Variants in TRIO observed in about 807,000 individuals in gnomAD.
The protein encoded by TRIO is trio Rho guanine nucleotide exchange factor.
In TRIO, 58 loss-of-function variants were observed where a neutral mutation model predicts 351.9. The ratio of observed to expected loss-of-function variants is 0.16; its 90% CI spans 0.13 to 0.21. The LOEUF is 0.21. Ranked by LOEUF, TRIO falls within the 10% of genes least tolerant of loss-of-function variation. TRIO has a pLI of 1.00. For synonymous variants in TRIO, 1,758 were observed against 1,595.7 expected, an observed-to-expected ratio of 1.10 and a Z score of -2.42; for missense variants, 3,201 against 4,027.8, an observed-to-expected ratio of 0.79 and a Z score of 5.56.
chr5:14,406,772 T>TGC, intron 33 of TRIO, 100 bp downstream of exon 33: 2 of 1,212,814 alleles, frequency 1.6e-6, no homozygotes, highest in Non-Finnish European at 2.4e-6. Context: ...TCATCAACAT[T>TGC]TTCAAGCAGT....
At chr5:14,303,623 C>T (rs187369229) in intron 7 of TRIO, among the ~76,000 whole-genome samples, 2 of 149,942 alleles carry the variant, frequency 1.3e-5, no homozygotes, top group African/African-American at 4.9e-5. Context: ...ATTGATGATC[C>T]TGGAGATGGA....
intron 1 of TRIO, among the ~76,000 whole-genome samples, chr5:14,161,318 G>A (rs2152120720): frequency 6.6e-6 from 1 of 152,256 alleles, no homozygotes; most frequent in Non-Finnish European, 1.5e-5. Context: ...TCTTGTACCT[G>A]TACCTCTTTG....
Position 14,388,688 on chromosome 5 carries a change from G to GTTTTTTTT in TRIO, c.3948+20_3948+27dup. On this transcript the variant is annotated intron_variant, in intron 24 of 56. Transcript: ENST00000344204. ...TCCGGGAATGTATGGATGTAAGTAA[G>GTTTTTTTT]TTTTTTTTTTTTTTTTTTGCTTGTT... 3 of 1,440,378 alleles carry GTTTTTTTT rather than the reference G, an allele frequency of 2.1e-6. No homozygotes were observed. Among genetic ancestry groups the GTTTTTTTT allele is most frequent in the South Asian group, 1.3e-5 (1 of 74,592 alleles). 89.2% of individuals were successfully genotyped at this position (1,440,378 alleles called of 1,614,324 possible). A position where few individuals can be genotyped will look rare whatever the true frequency, so the allele number is the denominator to read the frequency against.
At chr5:14,355,828 T>A (rs1477058230) in intron 11 of TRIO, among the ~76,000 whole-genome samples, 1 of 152,230 alleles carries the variant, frequency 6.6e-6, no homozygotes, top group Non-Finnish European at 1.5e-5. Flanking sequence ...TCATGTGGAA[T>A]TAAATACTGA....
intron 1 of TRIO, among the ~76,000 whole-genome samples, chr5:14,173,376 A>C (rs1789219675): frequency 6.6e-6 from 1 of 151,746 alleles, no homozygotes; most frequent in Non-Finnish European, 1.5e-5. Flanking sequence ...ATGTCCGGCT[A>C]AGTTTTTCTA....
At chr5:14,326,535 G>A (rs549615910) in intron 9 of TRIO, among the ~76,000 whole-genome samples, 109 of 152,308 alleles carry the variant, frequency 7.2e-4, no homozygotes, top group African/African-American at 2.5e-3. Context: ...GGAAGGTGGT[G>A]GTGGTCTCCA....
intron 1 of TRIO, chr5:14,183,759 C>A (rs996815887): frequency 3.9e-6 from 2 of 518,892 alleles, no homozygotes; most frequent in Non-Finnish European, 7.0e-6. Context: ...GGAAGGCATG[C>A]GGCCGCAGTT....
intron 9 of TRIO, among the ~76,000 whole-genome samples, chr5:14,319,313 C>T (rs928022960): frequency 1.2e-4 from 19 of 152,084 alleles, no homozygotes; most frequent in African/African-American, 4.3e-4. Flanking sequence ...CAGGAAATTG[C>T]TCTGTAGGCT....
intron 7 of TRIO, 95 bp downstream of exon 7, chr5:14,297,358 A>G: frequency 2.1e-6 from 3 of 1,396,400 alleles, no homozygotes; most frequent in Non-Finnish European, 1.9e-6. Flanking sequence ...TGTGTAGCAC[A>G]TACTGTGAGC....
At chr5:14,170,393 T>C (rs1789024954) in intron 1 of TRIO, among the ~76,000 whole-genome samples, 1 of 152,170 alleles carries the variant, frequency 6.6e-6, no homozygotes, top group Non-Finnish European at 1.5e-5. Flanking sequence ...GCTTGAACCC[T>C]CCACCCTTCA....
intron 19 of TRIO, 71 bp from the exon 20 acceptor site, chr5:14,377,941 A>G: frequency 2.5e-6 from 3 of 1,185,172 alleles, no homozygotes; most frequent in South Asian, 2.6e-5. Flanking sequence ...CTAAATAAAA[A>G]TGAATGGAAT....
rs867217857 is a variant in TRIO at position 14,504,379 on chromosome 5, G to A, written c.8412-14G>A. ...AGCAGCCTCTGCAAATGGTCCCCCT[G>A]ACATATTTTACAGGGGCAGATTCTC... On this transcript the variant is annotated splice_polypyrimidine_tract_variant and intron_variant, in intron 54 of 56. Transcript: ENST00000344204. 6 of 1,613,884 alleles carry A rather than the reference G, an allele frequency of 3.7e-6. No individual in the cohort carries two copies. The Middle Eastern group carries it at 9.9e-4, about 266-fold the overall frequency.
intron 11 of TRIO, among the ~76,000 whole-genome samples, chr5:14,356,392 T>C (rs1743613398): frequency 6.6e-6 from 1 of 152,208 alleles, no homozygotes; most frequent in African/African-American, 2.4e-5. Flanking sequence ...TTGCCATCAT[T>C]AGTAATTAGG....
At chr5:14,358,561 A>G (rs1743847701) in intron 12 of TRIO, among the ~76,000 whole-genome samples, 1 of 151,992 alleles carries the variant, frequency 6.6e-6, no homozygotes, top group South Asian at 2.1e-4. Flanking sequence ...TAACTTCATA[A>G]TAGTTTTCAT....
At chr5:14,248,622 C>T (rs1395806068) in intron 1 of TRIO, among the ~76,000 whole-genome samples, 1 of 152,188 alleles carries the variant, frequency 6.6e-6, no homozygotes. Flanking sequence ...TTGCAAGCGC[C>T]GTCCACACAG....
chr5:14,361,332 C>T (rs1237983429), intron 13 of TRIO, among the ~76,000 whole-genome samples: 2 of 152,278 alleles, frequency 1.3e-5, no homozygotes, highest in African/African-American at 4.8e-5. Context: ...AACAAAGCCA[C>T]GAAATTACAA....
intron 48 of TRIO, among the ~76,000 whole-genome samples, chr5:14,491,992 G>T (rs961598287): frequency 6.6e-6 from 1 of 152,180 alleles, no homozygotes; most frequent in African/African-American, 2.4e-5. Flanking sequence ...TTTACGTTCA[G>T]GGGTTCCATG....
chr5:14,297,060 C>G lies in TRIO; in HGVS notation c.1177-12C>G. ...TCCCCTAAGGAGCCCTCTTTTCCTG[C>G]CCACTTTCCAGAACGTGTATGTAAA... On this transcript the variant is annotated splice_polypyrimidine_tract_variant and intron_variant, in intron 6 of 56. Coordinates refer to ENST00000344204, the MANE Select transcript of TRIO (RefSeq NM_007118.4). 1 of 1,602,426 alleles carries G rather than the reference C, an allele frequency of 6.2e-7. No individual in the cohort carries two copies. The highest frequency in any genetic ancestry group is 8.5e-7 in the Non-Finnish European group (1 of 1,170,916).
In TRIO at chr5:14,509,999, G is replaced by T. The variant is rs1225255837; in HGVS notation, c.*1577G>T. The stretch of plus-strand genomic sequence containing the variant: ...AAAATTGTACAGAAACTTTTTAAAA[G>T]AAATTGGATTCGAAACTGGATGTGT... On this transcript the variant is annotated 3_prime_UTR_variant, in exon 57 of 57. Transcript: ENST00000344204. The T allele has an allele frequency of 6.6e-6, 1 of 152,228 alleles. No individual in the cohort carries two copies. The highest frequency in any genetic ancestry group is 1.5e-5 in the Non-Finnish European group (1 of 68,064). 9.4% of individuals were successfully genotyped at this position (152,228 alleles called of 1,614,324 possible). A position where few individuals can be genotyped will look rare whatever the true frequency, so the allele number is the denominator to read the frequency against.
Sources: gnomAD v4.1 joint callset for allele counts (sites outside exome capture counted in the v4.1 genomes callset) on GRCh38, gnomAD v4.1.1 for gene constraint, MANE v1.5 for transcripts, NCBI Gene and HGNC (gene_info 2026-07-23, HGNC 2026-07-21) for gene names.